The following TNN variants were observed in gnomAD, a reference collection of about 807,000 sequenced individuals.
TNN encodes tenascin-N.
Under a neutral mutation model 134.4 loss-of-function variants are expected in TNN, and 122 were observed. The observed-to-expected ratio is 0.91, with a 90% CI of 0.78 to 1.06. The LOEUF is 1.06. Ranked by LOEUF, TNN falls within the 50% of genes least tolerant of loss-of-function variation. The pLI, the probability that TNN is intolerant of heterozygous loss-of-function variation, is 0.00. For synonymous variants in TNN, 710 were observed against 670.3 expected, an observed-to-expected ratio of 1.06 and a Z score of -0.91; for missense variants, 1,739 against 1,699.4, an observed-to-expected ratio of 1.02 and a Z score of -0.41.
intron 9 of TNN, among the ~76,000 whole-genome samples, chr1:175,109,068 C>CTTTTT: frequency 8.8e-6 from 1 of 113,676 alleles, no homozygotes; most frequent in African/African-American, 4.1e-5. Flanking sequence ...TTCTATCTAA[C>CTTTTT]TGTATTTTTT....
intron 17 of TNN, 30 bp from the exon 18 acceptor site, chr1:175,144,357 G>C (rs1351762375): frequency 6.2e-7 from 1 of 1,607,314 alleles, no homozygotes; most frequent in Non-Finnish European, 8.5e-7. Flanking sequence ...CTAACCCTGG[G>C]CTCTCGCCTC....
rs1042579542 is a variant in TNN, at chr1:175,073,043, A to C, written c.-35-4341A>C. On this transcript the variant is annotated intron_variant, in intron 1 of 18. Transcript: ENST00000239462. Reference sequence around the variant, plus strand: ...GTCGGATGGAAAGCACGGGCAGAGAAGTCTGCTTTTTCAGCCCTATTTTTG... The same window carrying C: ...GTCGGATGGAAAGCACGGGCAGAGACGTCTGCTTTTTCAGCCCTATTTTTG... 2.0e-5 allele frequency among the ~76,000 whole-genome samples: 3 copies of C among 149,376 alleles called. No homozygotes were observed. In the Admixed American group the frequency reaches 2.0e-4, roughly 10 times the overall value.
At chr1:175,130,387 G>A (rs766246480) in intron 15 of TNN, among the ~76,000 whole-genome samples, 5 of 152,170 alleles carry the variant, frequency 3.3e-5, no homozygotes, top group Non-Finnish European at 7.4e-5. Context: ...GGAAATTCCC[G>A]ATTGATTTAT....
chr1:175,113,786 A>G (rs924025578), intron 9 of TNN, among the ~76,000 whole-genome samples: 16 of 151,688 alleles, frequency 1.1e-4, no homozygotes, highest in South Asian at 1.0e-3. Context: ...TCACTGGGTA[A>G]TGTCAAACAA....
rs752617890 is a variant in TNN, at chr1:175,147,060, C to T, written c.3889C>T (p.Arg1297Ter). ...GAAGCGGACGCTGAGAGGAAGGCTG[C>T]GAACGTTCTGATGGCCCGTGTGAGC... ...RKKRTLRGRL[R>*]TF The change falls in exon 19 of 19, where the codon CGA becomes TGA. Residue 1297 changes from arginine (R) to a stop codon, truncating the protein, a stop_gained. Coordinates refer to ENST00000239462, the MANE Select transcript of TNN (RefSeq NM_022093.2). LOFTEE classifies it high-confidence loss of function. 2 of 1,579,732 alleles carry T rather than the reference C, an allele frequency of 1.3e-6. No individual in the cohort carries two copies. Among genetic ancestry groups the T allele is most frequent in the Admixed American group, 1.9e-5 (1 of 53,548 alleles).
intron 1 of TNN, among the ~76,000 whole-genome samples, chr1:175,072,014 C>A (rs1308513520): frequency 2.0e-5 from 3 of 152,150 alleles, no homozygotes; most frequent in Non-Finnish European, 4.4e-5. Flanking sequence ...GGGCTAGAAA[C>A]ACGCATACAG....
chr1:175,090,657 G>A lies in TNN; in HGVS notation c.1325-3333G>A, dbSNP rs147668816. ...AGACAGATGTTCCCTACCCAACTCT[G>A]TGGCAAATCTTGTTATAAAGTGGAA... On this transcript the variant is annotated intron_variant, in intron 6 of 18. Transcript: ENST00000239462. Among the ~76,000 whole-genome samples the A allele has an allele frequency of 7.2e-3, 1,096 of 152,322 alleles. 11 individuals are homozygous for A. The highest frequency in any genetic ancestry group is 0.024 in the African/African-American group (1,010 of 41,544).
chr1:175,143,773 G>T (rs146816177), intron 17 of TNN, among the ~76,000 whole-genome samples: 44 of 152,300 alleles, frequency 2.9e-4, no homozygotes, highest in African/African-American at 1.1e-3. Flanking sequence ...CCTCCACGTG[G>T]TATGAAGTAG....
intron 13 of TNN, among the ~76,000 whole-genome samples, 182 bp from the exon 14 acceptor site, chr1:175,127,850 C>T (rs1188139762): frequency 1.3e-5 from 2 of 152,210 alleles, no homozygotes; most frequent in Non-Finnish European, 2.9e-5. Context: ...CATGGCATGG[C>T]TCTCCAGAGA....
chr1:175,135,410 T>TA (rs1675775526), intron 15 of TNN, among the ~76,000 whole-genome samples: 1 of 152,080 alleles, frequency 6.6e-6, no homozygotes, highest in African/African-American at 2.4e-5. Context: ...TCAGGTGAAT[T>TA]AAAAAATAAT....
intron 6 of TNN, among the ~76,000 whole-genome samples, chr1:175,086,553 CTT>C (rs1232034018): frequency 6.6e-6 from 1 of 152,164 alleles, no homozygotes; most frequent in Admixed American, 6.5e-5. Context: ...AAGAAGGAGT[CTT>C]TGAGTTTTGA....
rs769874837 is a variant in TNN at position 175,135,946 on chromosome 1, G to T, written c.3427+5G>T. 2 of 1,603,718 alleles carry T rather than the reference G, an allele frequency of 1.2e-6. No homozygotes were observed. Among genetic ancestry groups the T allele is most frequent in the African/African-American group, 2.7e-5 (2 of 74,810 alleles). On this transcript the variant is annotated splice_donor_5th_base_variant and intron_variant, in intron 16 of 18. Transcript: ENST00000239462. ...CCATGAAGGAGTTCTGGCTTGGTAT[G>T]ATCTCAGAATCCAGGAGGCTGGGGC...
At chr1:175,078,981 T>C (rs763755985) in intron 2 of TNN, among the ~76,000 whole-genome samples, 9 of 151,790 alleles carry the variant, frequency 5.9e-5, no homozygotes, top group East Asian at 1.9e-4. Flanking sequence ...GGCCCCTCCA[T>C]AGGAAGGCAC....
chr1:175,104,500 G>A lies in TNN; in HGVS notation c.2119+5905G>A, dbSNP rs920913517. 1.2e-4 allele frequency among the ~76,000 whole-genome samples: 18 copies of A among 145,744 alleles called. 2 individuals carry two copies. Among genetic ancestry groups the A allele is most frequent in the African/African-American group, 2.7e-4 (11 of 40,472 alleles). ...CTTTTTTAAAGTGTCCTAGTAAACC[G>A]CACTGATAACAAGCCGTACCAGGTG... is the stretch of plus-strand genomic sequence containing the variant. On this transcript the variant is annotated intron_variant, in intron 9 of 18. Coordinates refer to ENST00000239462, the MANE Select transcript of TNN (RefSeq NM_022093.2).
intron 6 of TNN, among the ~76,000 whole-genome samples, chr1:175,088,646 A>G (rs6694071): frequency 0.55 from 83,210 of 151,926 alleles, 23,371 homozygotes; most frequent in African/African-American, 0.69. Flanking sequence ...CCTAACAGAA[A>G]GCTTATCTCT....
intron 5 of TNN, among the ~76,000 whole-genome samples, chr1:175,085,099 A>C (rs966737341): frequency 6.6e-6 from 1 of 152,232 alleles, no homozygotes; most frequent in Non-Finnish European, 1.5e-5. Flanking sequence ...GTCTATAAAT[A>C]AAATTGGGAA....
chr1:175,116,410 A>C (rs980108100), intron 9 of TNN, among the ~76,000 whole-genome samples: 3 of 151,934 alleles, frequency 2.0e-5, no homozygotes, highest in Non-Finnish European at 4.4e-5. Context: ...AAGTGCAATA[A>C]TCATTAACAA....
In TNN at chr1:175,144,560, A is replaced by G; in HGVS notation, c.3759+10A>G. On this transcript the variant is annotated intron_variant, in intron 18 of 18. Coordinates refer to ENST00000239462, the MANE Select transcript of TNN (RefSeq NM_022093.2). ...GACCAAGCACAGTGAGGTAGGTGAC[A>G]GGTGAATGTCTTTTCTGTCCCAGGG... 5 of 1,613,576 alleles carry G rather than the reference A, an allele frequency of 3.1e-6. No homozygotes were observed. The highest frequency in any genetic ancestry group is 4.2e-6 in the Non-Finnish European group (5 of 1,179,698).
chr1:175,077,855 A>G lies in TNN; in HGVS notation c.409+28A>G, dbSNP rs765063922. 123 of 1,593,406 alleles carry G rather than the reference A, an allele frequency of 7.7e-5. 1 individual carries two copies. The South Asian group carries it at 1.3e-3, about 17-fold the overall frequency. ...GAGCTCACCACCTGGTATTCATTCA[A>G]CAAACATTTGATGAGCACCTATTAT... On this transcript the variant is annotated intron_variant, in intron 2 of 18. Coordinates refer to ENST00000239462, the MANE Select transcript of TNN (RefSeq NM_022093.2).
Sources: gnomAD v4.1 joint callset for allele counts (sites outside exome capture counted in the v4.1 genomes callset) on GRCh38, gnomAD v4.1.1 for gene constraint, MANE v1.5 for transcripts, NCBI Gene and HGNC (gene_info 2026-07-23, HGNC 2026-07-21) for gene names.